TSC22D1: variants seen among roughly 807,000 people sequenced by gnomAD.
The protein encoded by TSC22D1 is TSC22 domain family protein 1.
In TSC22D1, 9 loss-of-function variants were observed where a neutral mutation model predicts 74.2. That is an observed-to-expected ratio of 0.12 (90% CI 0.07 to 0.21). The LOEUF (loss-of-function observed/expected upper bound fraction) is 0.21. Among genes scored for constraint, TSC22D1 ranks in the 10% least tolerant of loss-of-function variants. The probability of loss-of-function intolerance (pLI) is 1.00; values close to 1 mark genes in which losing one functional copy is unlikely to be tolerated. For synonymous variants in TSC22D1, 586 were observed against 492.5 expected (o/e 1.19, Z -2.51); for missense variants, 1,427 against 1,304.7 (o/e 1.09, Z -1.44).
At chr13:44,459,794 C>G (rs1044608440) in intron 1 of TSC22D1, among the ~76,000 whole-genome samples, 4 of 152,206 alleles carry the variant, frequency 2.6e-5, no homozygotes, top group African/African-American at 9.7e-5. Context: ...TGCACAGAGC[C>G]GGCGCCTAGA....
chr13:44,456,268 G>A (rs774047207), intron 1 of TSC22D1, among the ~76,000 whole-genome samples: 9 of 152,180 alleles, frequency 5.9e-5, no homozygotes, highest in East Asian at 3.8e-4. Context: ...TGCTGCTGCT[G>A]GCTGGAGTAG....
At chr13:44,475,362 T>A (rs17065859) in intron 1 of TSC22D1, among the ~76,000 whole-genome samples, 17,507 of 151,610 alleles carry the variant, frequency 0.12, 1,038 homozygotes, top group Non-Finnish European at 0.13. Flanking sequence ...GGGAAATGTA[T>A]AGTCTTGAAC....
chr13:44,436,775 TTGA>T, intron 1 of TSC22D1: 1 of 1,465,622 alleles, frequency 6.8e-7, no homozygotes, highest in Non-Finnish European at 9.0e-7. Context: ...CTTCTAGGGC[TTGA>T]TGATCCCAGG....
At position 44,576,257 on chromosome 13, in the gene TSC22D1, G is replaced by A; in HGVS notation, c.-183C>T. 1.2e-6 allele frequency: 1 copy of A among 859,016 alleles called. No individual in the cohort carries two copies. The highest frequency in any genetic ancestry group is 1.7e-6 in the Non-Finnish European group (1 of 579,802). 53.2% of individuals were successfully genotyped at this position (859,016 alleles called of 1,614,324 possible). A position where few individuals can be genotyped will look rare whatever the true frequency, so the allele number is the denominator to read the frequency against. On this transcript the variant is annotated 5_prime_UTR_variant, in exon 1 of 3. Coordinates refer to ENST00000458659, the MANE Select transcript of TSC22D1 (RefSeq NM_183422.4). ...GCCTTCGAGAGCGAGCTTCGGAAAG[G>A]AGGATGAACGAGGGTGAACAGGGCG...
At position 44,483,911 on chromosome 13, in the gene TSC22D1, T is replaced by TA. The variant is rs553459005; in HGVS notation, c.2913-47817dup. ...CGCTAATACAACGTATCCTTTTCAT[T>TA]AAAAAATGGTCCATTTAGCCTTCTA... On this transcript the variant is annotated intron_variant, in intron 1 of 2. Transcript: ENST00000458659. 6.6e-4 allele frequency among the ~76,000 whole-genome samples: 101 copies of TA among 152,264 alleles called. 1 individual carries two copies. Among genetic ancestry groups the TA allele is most frequent in the Admixed American group, 5.0e-3 (76 of 15,290 alleles).
chr13:44,517,827 G>GTA lies in TSC22D1; in HGVS notation c.2912+55335_2912+55336insTA, dbSNP rs1278120734. Among the ~76,000 whole-genome samples, 179 of 24,620 alleles carry GTA rather than the reference G, an allele frequency of 7.3e-3. 1 individual carries two copies. Among genetic ancestry groups the GTA allele is most frequent in the African/African-American group, 0.015 (117 of 8,002 alleles). 16.2% of individuals were successfully genotyped at this position (24,620 alleles called of 152,430 possible). On this transcript the variant is annotated intron_variant, in intron 1 of 2. Transcript: ENST00000458659. The stretch of plus-strand genomic sequence containing the variant: ...CACATATATATGTGTGTGTGTGTGT[G>GTA]TGTATATATATATATATATATATAT...
At chr13:44,480,994 A>C (rs1878151792) in intron 1 of TSC22D1, among the ~76,000 whole-genome samples, 1 of 152,170 alleles carries the variant, frequency 6.6e-6, no homozygotes, top group Non-Finnish European at 1.5e-5. Context: ...TATAAAAAGA[A>C]GGGAGGCCAA....
chr13:44,574,324 A>C lies in TSC22D1; in HGVS notation c.1751T>G (p.Val584Gly). 6.2e-7 allele frequency: 1 copy of C among 1,614,266 alleles called. No individual in the cohort carries two copies. The highest frequency in any genetic ancestry group is 8.5e-7 in the Non-Finnish European group (1 of 1,180,048). Residue 584 changes from valine to glycine, a missense_variant, in exon 1 of 3, where the codon GTG (valine) becomes GGG (glycine). Transcript: ENST00000458659. ...ATGIQPSPVNVVGVTSALGQQ... is the reference protein window; with the variant it reads ...ATGIQPSPVNGVGVTSALGQQ... ...ACCTAAAGCTGAAGTTACACCAACC[A>C]CATTTACAGGCGATGGCTGGATACC...
intron 1 of TSC22D1, among the ~76,000 whole-genome samples, chr13:44,548,305 T>C (rs1270008029): frequency 2.6e-5 from 4 of 152,210 alleles, no homozygotes; most frequent in Admixed American, 2.0e-4. Context: ...TCACTTGAGG[T>C]CAGGAGTTAG....
chr13:44,537,279 A>G (rs1881204684), intron 1 of TSC22D1: 20 of 968,322 alleles, frequency 2.1e-5, no homozygotes, highest in South Asian at 9.6e-5. Flanking sequence ...CACCAAAATA[A>G]AAGTTTAAAT....
intron 1 of TSC22D1, among the ~76,000 whole-genome samples, chr13:44,471,736 C>T (rs1031046560): frequency 1.3e-5 from 2 of 152,156 alleles, no homozygotes; most frequent in African/African-American, 4.8e-5. Flanking sequence ...ACTAAGTCTC[C>T]TTTGACAAAT....
chr13:44,537,848 A>G (rs1881242532), intron 1 of TSC22D1: 1 of 985,112 alleles, frequency 1.0e-6, no homozygotes, highest in African/African-American at 1.7e-5. Context: ...TGTGGCTTCT[A>G]AAACTTTTGA....
At chr13:44,449,834 T>C (rs116453515) in intron 1 of TSC22D1, among the ~76,000 whole-genome samples, 2,020 of 152,240 alleles carry the variant, frequency 0.013, 48 homozygotes, top group African/African-American at 0.046. Flanking sequence ...AGATATAAAC[T>C]AGAATTTAAA....
chr13:44,485,342 G>GAT (rs1414990107), intron 1 of TSC22D1, among the ~76,000 whole-genome samples: 1 of 151,962 alleles, frequency 6.6e-6, no homozygotes, highest in Admixed American at 6.6e-5. Context: ...CAATCACCAA[G>GAT]ATATATATAT....
intron 1 of TSC22D1, chr13:44,437,233 A>G: frequency 2.0e-6 from 2 of 985,560 alleles, no homozygotes; most frequent in East Asian, 2.3e-4. Flanking sequence ...CTTAACGGCG[A>G]AAGCTTCCTA....
chr13:44,540,587 T>C (rs1289742690), intron 1 of TSC22D1, among the ~76,000 whole-genome samples: 1 of 152,160 alleles, frequency 6.6e-6, no homozygotes, highest in East Asian at 1.9e-4. Context: ...CAATACAGAC[T>C]CAAAATCCTT....
intron 1 of TSC22D1, among the ~76,000 whole-genome samples, chr13:44,513,181 A>G (rs1254235224): frequency 6.6e-6 from 1 of 152,152 alleles, no homozygotes; most frequent in African/African-American, 2.4e-5. Flanking sequence ...CCTAACACTA[A>G]AAAATGTCCT....
chr13:44,551,389 G>GGTGGGTGTGTGGGTGGGTGT (rs1298469090), intron 1 of TSC22D1, among the ~76,000 whole-genome samples: 1 of 125,252 alleles, frequency 8.0e-6, no homozygotes, highest in Non-Finnish European at 1.7e-5. Context: ...CAATCAGATG[G>GGTGGGTGTGTGGGTGGGTGT]GTGTGTGTGT....
chr13:44,443,956 T>C (rs1012464585), intron 1 of TSC22D1, among the ~76,000 whole-genome samples: 3 of 151,962 alleles, frequency 2.0e-5, no homozygotes, highest in Non-Finnish European at 4.4e-5. Flanking sequence ...GAATAAAAAA[T>C]GAATACCAAG....
Sources: allele counts gnomAD v4.1 joint callset (sites outside exome capture counted in the v4.1 genomes callset), GRCh38; gene constraint gnomAD v4.1.1; transcripts MANE v1.5; gene names NCBI Gene and HGNC (gene_info 2026-07-23, HGNC 2026-07-21).